TBL1XR1: variants seen among roughly 807,000 people sequenced by gnomAD.
The protein encoded by TBL1XR1 is TBL1X/Y related 1, also known as F-box-like/WD repeat-containing protein TBL1XR1.
In TBL1XR1, 5 loss-of-function variants were observed where a neutral mutation model predicts 66.9. That is an observed-to-expected ratio of 0.07 (90% CI 0.04 to 0.16). The LOEUF (loss-of-function observed/expected upper bound fraction) is 0.16. Among genes scored for constraint, TBL1XR1 ranks in the 10% least tolerant of loss-of-function variants. The pLI, the probability that TBL1XR1 is intolerant of heterozygous loss-of-function variation, is 1.00. For missense variants in TBL1XR1, 238 were observed against 623.2 expected, an observed-to-expected ratio of 0.38 and a Z score of 6.58; for synonymous variants, 210 against 206.0, an observed-to-expected ratio of 1.02 and a Z score of -0.17.
chr3:177,061,858 T>A (rs1486639005), intron 3 of TBL1XR1, among the ~76,000 whole-genome samples: 6 of 152,162 alleles, frequency 3.9e-5, no homozygotes, highest in Non-Finnish European at 8.8e-5. Context: ...TGATTCTGAA[T>A]TAGGACCTAT....
rs530744878 is a variant in TBL1XR1, at chr3:177,075,506, C to T, written c.-45-10484G>A. On this transcript the variant is annotated intron_variant, in intron 2 of 15. Coordinates refer to ENST00000457928, the MANE Select transcript of TBL1XR1 (RefSeq NM_024665.7). ...TCATAATATCTTCTAGCTTTCAAAA[C>T]TTCCCTACTAATCAGTATAGTGTGG... Among the ~76,000 whole-genome samples the T allele has an allele frequency of 2.0e-5, 3 of 152,348 alleles. No individual in the cohort carries two copies. In the South Asian group the frequency reaches 6.2e-4, roughly 32 times the overall value.
chr3:177,060,299 T>C (rs1560128513), intron 3 of TBL1XR1, among the ~76,000 whole-genome samples: 1 of 152,216 alleles, frequency 6.6e-6, no homozygotes, highest in Non-Finnish European at 1.5e-5. Flanking sequence ...ATGGAGACAG[T>C]ATGCAACATC....
chr3:177,087,353 C>G (rs561104199), intron 2 of TBL1XR1, among the ~76,000 whole-genome samples: 1 of 151,984 alleles, frequency 6.6e-6, no homozygotes, highest in Non-Finnish European at 1.5e-5. Flanking sequence ...TAAAAAATAT[C>G]AGGTTGTAAT....
intron 14 of TBL1XR1, among the ~76,000 whole-genome samples, chr3:177,031,258 T>C (rs1713957564): frequency 6.6e-6 from 1 of 152,130 alleles, no homozygotes; most frequent in Admixed American, 6.6e-5. Context: ...CATAGGCATA[T>C]ATTCATAAAG....
intron 2 of TBL1XR1, among the ~76,000 whole-genome samples, chr3:177,071,361 A>T (rs182021873): frequency 6.0e-4 from 91 of 152,296 alleles, no homozygotes; most frequent in African/African-American, 2.0e-3. Flanking sequence ...CAGGGTAATA[A>T]ATACTACCCA....
At chr3:177,082,914 T>C (rs1455654078) in intron 2 of TBL1XR1, among the ~76,000 whole-genome samples, 2 of 150,630 alleles carry the variant, frequency 1.3e-5, no homozygotes, top group African/African-American at 4.9e-5. Context: ...CACCACCACA[T>C]CTGGCTAATT....
At chr3:177,041,701 C>T (rs1193156442) in intron 10 of TBL1XR1, among the ~76,000 whole-genome samples, 2 of 152,318 alleles carry the variant, frequency 1.3e-5, no homozygotes, top group East Asian at 3.9e-4. Context: ...TTCCTTACTG[C>T]ACTCTGCCCT....
intron 1 of TBL1XR1, among the ~76,000 whole-genome samples, chr3:177,170,367 T>C (rs892337853): frequency 6.6e-6 from 1 of 152,140 alleles, no homozygotes; most frequent in African/African-American, 2.4e-5. Flanking sequence ...AATATTCCTC[T>C]TTTTGGAATG....
chr3:177,116,141 C>T (rs1408681508), intron 1 of TBL1XR1, among the ~76,000 whole-genome samples: 1 of 152,198 alleles, frequency 6.6e-6, no homozygotes, highest in African/African-American at 2.4e-5. Context: ...TCCTGTCTCA[C>T]AATTTGTTTA....
In TBL1XR1 at chr3:177,040,639, T is replaced by A. The variant is rs973765354; in HGVS notation, c.926-2205A>T. On this transcript the variant is annotated intron_variant, in intron 10 of 15. Coordinates refer to ENST00000457928, the MANE Select transcript of TBL1XR1 (RefSeq NM_024665.7). ...TTTTAATCAGAACTATACTGAGATTTTTTTTTTTTAAAAGATAAAGTACAA... is the reference window on the plus strand; with the variant it reads ...TTTTAATCAGAACTATACTGAGATTATTTTTTTTTAAAAGATAAAGTACAA... Among the ~76,000 whole-genome samples the A allele has an allele frequency of 3.9e-5, 6 of 152,224 alleles. No homozygotes were observed. The East Asian group carries it at 1.2e-3, about 29-fold the overall frequency.
At position 177,074,764 on chromosome 3, in the gene TBL1XR1, T is replaced by C. The variant is rs1279650949; in HGVS notation, c.-45-9742A>G. Among the ~76,000 whole-genome samples, 4 of 152,210 alleles carry C rather than the reference T, an allele frequency of 2.6e-5. No homozygotes were observed. In the South Asian group the frequency reaches 6.2e-4, roughly 24 times the overall value. On this transcript the variant is annotated intron_variant, in intron 2 of 15. Coordinates refer to ENST00000457928, the MANE Select transcript of TBL1XR1 (RefSeq NM_024665.7). The stretch of plus-strand genomic sequence containing the variant: ...CCTAATATAACAAAATGTTAATGAA[T>C]AATATCTTAATGTTTTGCTTTCCAA...
Position 177,019,559 on chromosome 3 carries a change from T to C in TBL1XR1, c.*5939A>G, listed in dbSNP as rs1030799072. ...TTTGGTACAGCAGAGAAAAGCACCA[T>C]AAAACTACCATCTAAAGTGTCTTTT... is the stretch of plus-strand genomic sequence containing the variant. On this transcript the variant is annotated 3_prime_UTR_variant, in exon 16 of 16. Transcript: ENST00000457928. The C allele has an allele frequency of 6.6e-6, 1 of 152,172 alleles. No homozygotes were observed. Among genetic ancestry groups the C allele is most frequent in the Non-Finnish European group, 1.5e-5 (1 of 68,024 alleles). 9.4% of individuals were successfully genotyped at this position (152,172 alleles called of 1,614,324 possible).
chr3:177,091,499 A>C (rs1722841322), intron 2 of TBL1XR1, among the ~76,000 whole-genome samples: 2 of 152,228 alleles, frequency 1.3e-5, no homozygotes, highest in Non-Finnish European at 2.9e-5. Context: ...AAGGACATGT[A>C]CAAGATGAGC....
intron 2 of TBL1XR1, among the ~76,000 whole-genome samples, chr3:177,072,261 C>T (rs1720115449): frequency 6.6e-6 from 1 of 151,958 alleles, no homozygotes; most frequent in Non-Finnish European, 1.5e-5. Context: ...ATCCGTAGAC[C>T]CCTGGAGTTC....
At chr3:177,133,228 A>C (rs987077322) in intron 1 of TBL1XR1, among the ~76,000 whole-genome samples, 4 of 152,162 alleles carry the variant, frequency 2.6e-5, no homozygotes, top group Admixed American at 2.0e-4. Flanking sequence ...CAGAGGCTGC[A>C]GTGAGCTAAG....
At chr3:177,065,079 A>C (rs1295842944) in intron 2 of TBL1XR1, 57 bp from the exon 3 acceptor site, 8 of 1,136,694 alleles carry the variant, frequency 7.0e-6, no homozygotes, top group Non-Finnish European at 8.2e-6. Flanking sequence ...AACAAGATGT[A>C]AACAATGTTG....
chr3:177,149,471 G>A (rs1730631999), intron 1 of TBL1XR1, among the ~76,000 whole-genome samples: 2 of 151,982 alleles, frequency 1.3e-5, no homozygotes, highest in South Asian at 2.1e-4. Context: ...TTACATATAA[G>A]AAAACTGGGG....
intron 1 of TBL1XR1, among the ~76,000 whole-genome samples, chr3:177,152,807 C>T (rs556441103): frequency 4.6e-5 from 7 of 152,144 alleles, no homozygotes; most frequent in Non-Finnish European, 1.0e-4. Context: ...TCTCCCTTTG[C>T]TCTTTTTCCA....
chr3:177,068,824 TAA>T (rs1335021047), intron 2 of TBL1XR1, among the ~76,000 whole-genome samples: 1 of 152,168 alleles, frequency 6.6e-6, no homozygotes, highest in Non-Finnish European at 1.5e-5. Context: ...AAGAAAGAAA[TAA>T]GATTATCTTC....
Sources: allele counts gnomAD v4.1 joint callset (sites outside exome capture counted in the v4.1 genomes callset), GRCh38; gene constraint gnomAD v4.1.1; transcripts MANE v1.5; gene names NCBI Gene and HGNC (gene_info 2026-07-23, HGNC 2026-07-21).